Variants in NELL2 observed in about 807,000 individuals in gnomAD.
The protein encoded by NELL2 is neural EGFL like 2.
Under a neutral mutation model 109.6 loss-of-function variants are expected in NELL2, and 41 were observed. The observed-to-expected ratio is 0.37, with a 90% CI of 0.29 to 0.49. The LOEUF (loss-of-function observed/expected upper bound fraction) is 0.49. NELL2 is among the 20% of genes least tolerant of loss of function. The pLI is 0.98. For synonymous variants in NELL2, 355 were observed against 344.7 expected, an observed-to-expected ratio of 1.03 and a Z score of -0.33; for missense variants, 900 against 1,008.3, an observed-to-expected ratio of 0.89 and a Z score of 1.45.
chr12:44,688,866 T>A (rs1289055958), intron 12 of NELL2, among the ~76,000 whole-genome samples: 1 of 152,222 alleles, frequency 6.6e-6, no homozygotes, highest in Non-Finnish European at 1.5e-5. Context: ...CTTTTCAGTA[T>A]CCACACAACT....
chr12:44,677,895 G>C (rs1310858380), intron 12 of NELL2, among the ~76,000 whole-genome samples: 21 of 152,056 alleles, frequency 1.4e-4, no homozygotes, highest in Admixed American at 1.4e-3. Context: ...GGTTGAATTT[G>C]AGATGCTTAT....
At chr12:44,760,196 C>G (rs1210107167) in intron 9 of NELL2, among the ~76,000 whole-genome samples, 1 of 152,110 alleles carries the variant, frequency 6.6e-6, no homozygotes, top group African/African-American at 2.4e-5. Context: ...AAAATTAGTC[C>G]ACCTCCGAAA....
chr12:44,797,490 T>C (rs1416987660), intron 3 of NELL2, among the ~76,000 whole-genome samples: 1 of 152,048 alleles, frequency 6.6e-6, no homozygotes, highest in Non-Finnish European at 1.5e-5. Context: ...TAAGTATTTC[T>C]GAATAATAGG....
At chr12:44,828,109 T>C (rs535375433) in intron 2 of NELL2, among the ~76,000 whole-genome samples, 4 of 152,334 alleles carry the variant, frequency 2.6e-5, no homozygotes, top group African/African-American at 9.6e-5. Flanking sequence ...TTTGTATGAC[T>C]TCTTCTGAGA....
intron 15 of NELL2, among the ~76,000 whole-genome samples, chr12:44,540,071 T>C (rs1431800473): frequency 1.3e-5 from 2 of 152,200 alleles, no homozygotes; most frequent in African/African-American, 4.8e-5. Flanking sequence ...TGGAGTACAA[T>C]AGGTGAAGAG....
rs1266595691 is a variant in NELL2 at position 44,522,266 on chromosome 12, A to G, written c.1999-90T>C. On this transcript the variant is annotated intron_variant, in intron 17 of 19. Transcript: ENST00000429094. The stretch of plus-strand genomic sequence containing the variant: ...ACACGCACACACATTTCAGATGGTG[A>G]CTTGGAAGTTGAAATAATTCACACT... 3.6e-6 allele frequency: 4 copies of G among 1,115,038 alleles called. No homozygotes were observed. In the Admixed American group the frequency reaches 1.1e-4, roughly 32 times the overall value. The allele number at this position is 1,115,038 out of a possible 1,614,324, so 69.1% of individuals were successfully genotyped here. A position where few individuals can be genotyped will look rare whatever the true frequency, so the allele number is the denominator to read the frequency against.
chr12:44,542,249 C>T (rs1353203235), intron 15 of NELL2, among the ~76,000 whole-genome samples: 4 of 151,830 alleles, frequency 2.6e-5, no homozygotes, highest in Admixed American at 2.6e-4. Flanking sequence ...ACACCCCTCT[C>T]TCTTAGTTCT....
At chr12:44,757,776 TATA>T (rs1231984836) in intron 9 of NELL2, among the ~76,000 whole-genome samples, 1 of 152,140 alleles carries the variant, frequency 6.6e-6, no homozygotes, top group Admixed American at 6.6e-5. Flanking sequence ...GCAGTATTTT[TATA>T]ATAGTGAAAC....
At position 44,636,615 on chromosome 12, in the gene NELL2, G is replaced by T. The variant is rs1384421108; in HGVS notation, c.1445-25645C>A. On this transcript the variant is annotated intron_variant, in intron 13 of 19. Coordinates refer to ENST00000429094, the MANE Select transcript of NELL2 (RefSeq NM_001145108.2). ...GATTTGCATATGTCGAACCAGCCTT[G>T]CATCCCAGGGATGAAGCCGACTTGA... is the stretch of plus-strand genomic sequence containing the variant. Among the ~76,000 whole-genome samples the T allele has an allele frequency of 3.3e-5, 5 of 152,150 alleles. No individual in the cohort carries two copies. In the South Asian group the frequency reaches 8.3e-4, roughly 25 times the overall value.
At chr12:44,705,173 C>T (rs909728720) in intron 11 of NELL2, among the ~76,000 whole-genome samples, 4 of 151,794 alleles carry the variant, frequency 2.6e-5, no homozygotes, top group African/African-American at 4.8e-5. Flanking sequence ...GGTGTTCATT[C>T]GATTAGAATT....
At chr12:44,770,194 A>T (rs1941493015) in intron 9 of NELL2, among the ~76,000 whole-genome samples, 1 of 152,136 alleles carries the variant, frequency 6.6e-6, no homozygotes, top group Non-Finnish European at 1.5e-5. Context: ...CTAATGAACT[A>T]ATGAGATCAT....
chr12:44,822,495 G>A (rs749946687), intron 2 of NELL2, among the ~76,000 whole-genome samples: 2 of 152,182 alleles, frequency 1.3e-5, no homozygotes, highest in African/African-American at 2.4e-5. Flanking sequence ...TTCTTTTATG[G>A]ACAAAAATCA....
chr12:44,863,610 A>G (rs535885602), intron 2 of NELL2, among the ~76,000 whole-genome samples: 1 of 152,296 alleles, frequency 6.6e-6, no homozygotes, highest in East Asian at 1.9e-4. Context: ...GACAAACAAA[A>G]GCTAAGGGAG....
At chr12:44,816,977 G>A (rs1481829261) in intron 2 of NELL2, among the ~76,000 whole-genome samples, 1 of 152,250 alleles carries the variant, frequency 6.6e-6, no homozygotes, top group Admixed American at 6.5e-5. Flanking sequence ...TGTACGCAAA[G>A]AAGATTGACG....
intron 11 of NELL2, among the ~76,000 whole-genome samples, chr12:44,706,628 T>C (rs1937894798): frequency 6.6e-6 from 1 of 152,172 alleles, no homozygotes; most frequent in African/African-American, 2.4e-5. Context: ...AAATGTGAGG[T>C]TCCAATGAAA....
At chr12:44,704,302 TAGAC>T (rs1176398062) in intron 11 of NELL2, among the ~76,000 whole-genome samples, 1 of 151,052 alleles carries the variant, frequency 6.6e-6, no homozygotes, top group African/African-American at 2.4e-5. Flanking sequence ...TTTAAGAAAT[TAGAC>T]AGCTTAGCAT....
At chr12:44,696,000 C>T (rs1949053141) in intron 12 of NELL2, among the ~76,000 whole-genome samples, 1 of 151,906 alleles carries the variant, frequency 6.6e-6, no homozygotes, top group Non-Finnish European at 1.5e-5. Context: ...AAACAGAAAC[C>T]CATGATAAGT....
upstream of NELL2, among the ~76,000 whole-genome samples, chr12:44,918,873 G>C (rs954818803): frequency 6.6e-6 from 1 of 152,110 alleles, no homozygotes; most frequent in Non-Finnish European, 1.5e-5. Context: ...TCTATAGGTA[G>C]TCCCTGATTC....
chr12:44,580,731 A>G (rs1944294264), intron 15 of NELL2, among the ~76,000 whole-genome samples: 1 of 152,140 alleles, frequency 6.6e-6, no homozygotes, highest in South Asian at 2.1e-4. Context: ...AAACAAACAA[A>G]AAACTCATAA....
Sources: allele counts gnomAD v4.1 joint callset (sites outside exome capture counted in the v4.1 genomes callset), GRCh38; gene constraint gnomAD v4.1.1; transcripts MANE v1.5; gene names NCBI Gene and HGNC (gene_info 2026-07-23, HGNC 2026-07-21).